MBNL2: variants seen among roughly 807,000 people sequenced by gnomAD.
MBNL2 encodes muscleblind like splicing regulator 2.
MBNL2 carries 17 observed loss-of-function variants against 41.9 expected under a neutral mutation model. The ratio of observed to expected loss-of-function variants is 0.41; its 90% confidence interval spans 0.28 to 0.61. The LOEUF (loss-of-function observed/expected upper bound fraction) is 0.61. Among genes scored for constraint, MBNL2 ranks in the 20% least tolerant of loss-of-function variants. The pLI is 0.35. For missense variants in MBNL2, 336 were observed against 505.6 expected (o/e 0.66, Z 3.22); for synonymous variants, 195 against 182.9 (o/e 1.07, Z -0.53).
intron 8 of MBNL2, among the ~76,000 whole-genome samples, chr13:97,368,700 T>TTGTGTGTGTG (rs140107508): frequency 0.052 from 7,746 of 148,294 alleles, 263 homozygotes; most frequent in African/African-American, 0.084. Context: ...ATATTCAAGT[T>TTGTGTGTGTG]TGTGTGTGTG....
chr13:97,204,639 A>G, the MBNL2 span, among the ~76,000 whole-genome samples: 1 of 152,188 alleles, frequency 6.6e-6, no homozygotes, highest in African/African-American at 2.4e-5. Flanking sequence ...ATTCTTAATT[A>G]TGTAGCCACT....
chr13:97,257,888 A>T (rs2047864550), intron 1 of MBNL2, among the ~76,000 whole-genome samples: 2 of 152,172 alleles, frequency 1.3e-5, no homozygotes, highest in African/African-American at 2.4e-5. Flanking sequence ...CAGATCAGTG[A>T]CTGTGATTTC....
chr13:97,372,639 A>G (rs146625871), intron 8 of MBNL2, among the ~76,000 whole-genome samples: 79 of 152,360 alleles, frequency 5.2e-4, no homozygotes, highest in African/African-American at 1.7e-3. Context: ...ATCAATTTCA[A>G]TGATATCTTA....
the MBNL2 span, among the ~76,000 whole-genome samples, chr13:97,203,004 C>T: frequency 6.6e-6 from 1 of 152,130 alleles, no homozygotes; most frequent in African/African-American, 2.4e-5. Flanking sequence ...CTTCAGGTCT[C>T]CTTCCACCTC....
At chr13:97,202,466 A>G in the MBNL2 span, among the ~76,000 whole-genome samples, 1 of 152,210 alleles carries the variant, frequency 6.6e-6, no homozygotes, top group Non-Finnish European at 1.5e-5. Flanking sequence ...TAAAAATTAA[A>G]TGAAATAATA....
At chr13:97,280,200 T>G (rs1239645809) in intron 2 of MBNL2, among the ~76,000 whole-genome samples, 1 of 152,212 alleles carries the variant, frequency 6.6e-6, no homozygotes, top group African/African-American at 2.4e-5. Context: ...ACAGCTAAAA[T>G]GTTTGAGATT....
At chr13:97,218,149 G>A (rs1405748417), upstream of MBNL2, among the ~76,000 whole-genome samples, 5 of 152,104 alleles carry the variant, frequency 3.3e-5, no homozygotes, top group Admixed American at 1.3e-4. Flanking sequence ...AGTGGCTCAC[G>A]CCTGTAATCC....
chr13:97,218,906 G>T (rs560933562), upstream of MBNL2, among the ~76,000 whole-genome samples: 13 of 151,584 alleles, frequency 8.6e-5, no homozygotes, highest in South Asian at 2.1e-4. Flanking sequence ...TTAGATGTTA[G>T]AGAGTCAATT....
chr13:97,284,027 C>G (rs2053944420), intron 2 of MBNL2, among the ~76,000 whole-genome samples: 1 of 152,174 alleles, frequency 6.6e-6, no homozygotes, highest in Non-Finnish European at 1.5e-5. Flanking sequence ...CATCCTCCAG[C>G]AAGATGCCTA....
chr13:97,277,193 G>C (rs1034474730), intron 2 of MBNL2, among the ~76,000 whole-genome samples: 1 of 152,196 alleles, frequency 6.6e-6, no homozygotes, highest in African/African-American at 2.4e-5. Context: ...TTAGGAGGAT[G>C]GAGAGAATTT....
the MBNL2 span, chr13:97,172,972 T>C: frequency 1.3e-5 from 2 of 152,182 alleles, no homozygotes; most frequent in South Asian, 4.1e-4. Context: ...TTGATACATC[T>C]TAAAATTTCT....
At chr13:97,298,420 C>T (rs2152995018) in intron 2 of MBNL2, among the ~76,000 whole-genome samples, 1 of 152,194 alleles carries the variant, frequency 6.6e-6, no homozygotes, top group East Asian at 1.9e-4. Context: ...CTGCTGTATC[C>T]CAAGCACCTA....
At chr13:97,253,746 GTATT>G (rs1253145705) in intron 1 of MBNL2, among the ~76,000 whole-genome samples, 2 of 150,414 alleles carry the variant, frequency 1.3e-5, no homozygotes, top group African/African-American at 2.5e-5. Flanking sequence ...CAGTAACATT[GTATT>G]TATTAATACG....
At chr13:97,152,948 CT>C in the MBNL2 span, among the ~76,000 whole-genome samples, 1 of 151,920 alleles carries the variant, frequency 6.6e-6, no homozygotes, top group Non-Finnish European at 1.5e-5. Context: ...AATATTAACT[CT>C]AGATTGGAGC....
chr13:97,287,725 T>C (rs2054808142), intron 2 of MBNL2, among the ~76,000 whole-genome samples: 1 of 110,422 alleles, frequency 9.1e-6, no homozygotes, highest in African/African-American at 4.8e-5. Flanking sequence ...TCTTTTCTTT[T>C]TTTTTTTTTT....
At chr13:97,291,284 C>G (rs1459555669) in intron 2 of MBNL2, among the ~76,000 whole-genome samples, 1 of 151,934 alleles carries the variant, frequency 6.6e-6, no homozygotes, top group Non-Finnish European at 1.5e-5. Flanking sequence ...CTCTGTTGCC[C>G]AGGCTGGAGT....
the MBNL2 span, among the ~76,000 whole-genome samples, chr13:97,156,630 C>A: frequency 0.056 from 7,912 of 142,230 alleles, 271 homozygotes; most frequent in Non-Finnish European, 0.081. Context: ...CCAGTTTTCC[C>A]AGCACCATTT....
the MBNL2 span, among the ~76,000 whole-genome samples, chr13:97,148,672 G>A: frequency 6.6e-6 from 1 of 152,070 alleles, no homozygotes; most frequent in Non-Finnish European, 1.5e-5. Context: ...AGACTAAGAG[G>A]CAGCATCATA....
rs575737500 is a variant in MBNL2 at position 97,315,846 on chromosome 13, G to A, written c.175-18430G>A. On this transcript the variant is annotated intron_variant, in intron 2 of 8. Transcript: ENST00000679496. The stretch of plus-strand genomic sequence containing the variant: ...GGTGAGGATGTGGAAGGCCTTACTC[G>A]TGGGTGAGGATGTGGAAGGCCTTGC... 2.6e-5 allele frequency among the ~76,000 whole-genome samples: 4 copies of A among 151,856 alleles called. No individual in the cohort carries two copies. The East Asian group carries it at 5.8e-4, about 22-fold the overall frequency.
Sources: allele counts gnomAD v4.1 joint callset (sites outside exome capture counted in the v4.1 genomes callset), GRCh38; gene constraint gnomAD v4.1.1; transcripts MANE v1.5; gene names NCBI Gene and HGNC (gene_info 2026-07-23, HGNC 2026-07-21).